Variants in RFX3 observed in about 807,000 individuals in gnomAD.
RFX3 encodes the protein regulatory factor X3.
RFX3 carries 14 observed loss-of-function variants against 98.6 expected under a neutral mutation model. That is an observed-to-expected ratio of 0.14 (90% CI 0.09 to 0.22). The LOEUF (loss-of-function observed/expected upper bound fraction) is 0.22, where lower values mean the gene tolerates loss of function less well. Among genes scored for constraint, RFX3 ranks in the 10% least tolerant of loss-of-function variants. The pLI is 1.00. For missense variants in RFX3, 639 were observed against 926.9 expected, an observed-to-expected ratio of 0.69 and a Z score of 4.03; for synonymous variants, 383 against 328.4, an observed-to-expected ratio of 1.17 and a Z score of -1.80.
intron 1 of RFX3, among the ~76,000 whole-genome samples, chr9:3,481,460 G>A (rs1032260450): frequency 2.6e-5 from 4 of 151,252 alleles, no homozygotes; most frequent in Non-Finnish European, 4.4e-5. Flanking sequence ...CAAGAAAATA[G>A]TTTCCCATCT....
chr9:3,452,277 C>A, intron 1 of RFX3: 1 of 209,060 alleles, frequency 4.8e-6, no homozygotes. Flanking sequence ...AGAATTGATG[C>A]TCAAATGTCA....
chr9:3,288,066 A>G lies in RFX3; in HGVS notation c.851+65T>C. 5 of 1,511,886 alleles carry G rather than the reference A, an allele frequency of 3.3e-6. No homozygotes were observed. In the South Asian group the frequency reaches 6.2e-5, roughly 19 times the overall value. 93.7% of individuals were successfully genotyped at this position (1,511,886 alleles called of 1,614,324 possible). A position where few individuals can be genotyped will look rare whatever the true frequency, so the allele number is the denominator to read the frequency against. On this transcript the variant is annotated intron_variant, in intron 7 of 16. Coordinates refer to ENST00000617270, the MANE Select transcript of RFX3 (RefSeq NM_001282116.2). ...TTATACTTAGGTATTTGTTCAGAAAAAAGGAGACCCGAACAACTAAGAAAT... is the reference window on the plus strand; with the variant it reads ...TTATACTTAGGTATTTGTTCAGAAAGAAGGAGACCCGAACAACTAAGAAAT...
chr9:3,264,619 G>A (rs1823375163), intron 12 of RFX3, among the ~76,000 whole-genome samples: 1 of 152,162 alleles, frequency 6.6e-6, no homozygotes, highest in African/African-American at 2.4e-5. Flanking sequence ...CACATATTAT[G>A]ATTTAAAGAA....
intron 4 of RFX3, among the ~76,000 whole-genome samples, chr9:3,327,384 C>T (rs143421014): frequency 3.7e-4 from 56 of 152,178 alleles, no homozygotes; most frequent in African/African-American, 1.3e-3. Flanking sequence ...CACTGTGAGT[C>T]AAGCAGATCT....
chr9:3,464,473 C>T (rs1848012576), intron 1 of RFX3, among the ~76,000 whole-genome samples: 1 of 152,138 alleles, frequency 6.6e-6, no homozygotes, highest in African/African-American at 2.4e-5. Context: ...GAACAAACTG[C>T]TGATACATAT....
At position 3,505,308 on chromosome 9, in the gene RFX3, AT is replaced by A. The variant is rs1427189891; in HGVS notation, c.-9+20438del. ...CATTTTTATATTTATATATATATAA[AT>A]ATATATTAATGTATATTTATATTTT... On this transcript the variant is annotated intron_variant, in intron 1 of 16. Transcript: ENST00000617270. 1.4e-3 allele frequency among the ~76,000 whole-genome samples: 141 copies of A among 100,998 alleles called. 26 individuals are homozygous for A. The highest frequency in any genetic ancestry group is 4.6e-3 in the African/African-American group (110 of 23,724). The allele number at this position is 100,998 out of a possible 152,430, so 66.3% of individuals were successfully genotyped here.
At chr9:3,381,314 T>C (rs1268732686) in intron 2 of RFX3, among the ~76,000 whole-genome samples, 3 of 152,078 alleles carry the variant, frequency 2.0e-5, no homozygotes, top group Non-Finnish European at 4.4e-5. Flanking sequence ...ATCGATGATC[T>C]TATCAGTCCC....
intron 1 of RFX3, among the ~76,000 whole-genome samples, chr9:3,481,142 C>T (rs909364869): frequency 6.6e-6 from 1 of 152,090 alleles, no homozygotes; most frequent in Non-Finnish European, 1.5e-5. Context: ...TAACTCAATA[C>T]GGTAGGTATT....
chr9:3,455,138 T>A lies in RFX3; in HGVS notation c.-8-59542A>T, dbSNP rs533691334. Among the ~76,000 whole-genome samples, 55 of 152,352 alleles carry A rather than the reference T, an allele frequency of 3.6e-4. 1 individual carries two copies. The highest frequency in any genetic ancestry group is 1.3e-3 in the African/African-American group (53 of 41,578). Reference sequence around the variant, plus strand: ...CAAATTTAAATCAGGTACTCTTCTATGTAAGACCAGCAAATGTTTTTCACT... The same window carrying A: ...CAAATTTAAATCAGGTACTCTTCTAAGTAAGACCAGCAAATGTTTTTCACT... On this transcript the variant is annotated intron_variant, in intron 1 of 16. Coordinates refer to ENST00000617270, the MANE Select transcript of RFX3 (RefSeq NM_001282116.2).
At chr9:3,425,642 T>C (rs941513879) in intron 1 of RFX3, among the ~76,000 whole-genome samples, 8 of 152,214 alleles carry the variant, frequency 5.3e-5, no homozygotes, top group African/African-American at 1.9e-4. Context: ...TTCATACTGC[T>C]TGGGGTTTAC....
chr9:3,463,135 G>A (rs1443607375), intron 1 of RFX3, among the ~76,000 whole-genome samples: 3 of 152,088 alleles, frequency 2.0e-5, no homozygotes, highest in Non-Finnish European at 4.4e-5. Context: ...TTACTTAACT[G>A]TAAGACTTTG....
intron 4 of RFX3, among the ~76,000 whole-genome samples, chr9:3,313,020 T>C (rs1830146355): frequency 6.6e-6 from 1 of 152,166 alleles, no homozygotes; most frequent in South Asian, 2.1e-4. Context: ...AGAGTAGTGG[T>C]TCTCCCAGCA....
In RFX3 at chr9:3,497,732, T is replaced by A. The variant is rs1462622077; in HGVS notation, c.-9+28015A>T. ...TGTTACAAAAAAATTGCTTACACTATACCATTTACTTGTTCTATGCCATAA... is the reference window on the plus strand; with the variant it reads ...TGTTACAAAAAAATTGCTTACACTAAACCATTTACTTGTTCTATGCCATAA... On this transcript the variant is annotated intron_variant, in intron 1 of 16. Transcript: ENST00000617270. Among the ~76,000 whole-genome samples, 2 of 152,130 alleles carry A rather than the reference T, an allele frequency of 1.3e-5. 1 individual carries two copies. The highest frequency in any genetic ancestry group is 4.1e-4 in the South Asian group (2 of 4,834).
At chr9:3,311,557 C>G (rs1028817862) in intron 4 of RFX3, among the ~76,000 whole-genome samples, 2 of 152,110 alleles carry the variant, frequency 1.3e-5, no homozygotes, top group African/African-American at 4.8e-5. Flanking sequence ...GGTCCTGAAC[C>G]AGCAGTATCA....
At chr9:3,338,038 T>C (rs1833395754) in intron 3 of RFX3, among the ~76,000 whole-genome samples, 2 of 152,128 alleles carry the variant, frequency 1.3e-5, no homozygotes, top group Admixed American at 1.3e-4. Flanking sequence ...CGAATATTCA[T>C]CAGACTGAAG....
At chr9:3,519,934 C>CA (rs554350157) in intron 1 of RFX3, among the ~76,000 whole-genome samples, 1,787 of 115,730 alleles carry the variant, frequency 0.015, 12 homozygotes, top group Middle Eastern at 0.026. Context: ...CCTGTCTCTA[C>CA]AAAAAAAAAA....
chr9:3,247,605 C>T (rs1820847195), intron 15 of RFX3: 9 of 1,290,736 alleles, frequency 7.0e-6, no homozygotes, highest in Non-Finnish European at 8.9e-6. Context: ...CATTTTTATC[C>T]TTCTAAAATA....
At chr9:3,504,671 C>CTATATGGTATATATTGT (rs1564184588) in intron 1 of RFX3, among the ~76,000 whole-genome samples, 315 of 6,750 alleles carry the variant, frequency 0.047, 2 homozygotes, top group Non-Finnish European at 0.056. Flanking sequence ...GTATATATTG[C>CTATATGGTATATATTGT]ATATAAAATA....
chr9:3,516,915 G>A (rs576693304), intron 1 of RFX3, among the ~76,000 whole-genome samples: 246 of 152,354 alleles, frequency 1.6e-3, no homozygotes, highest in Middle Eastern at 0.014. Context: ...TAATTCCTAT[G>A]TGGGTGAGAA....
Sources: gnomAD v4.1 joint callset for allele counts (sites outside exome capture counted in the v4.1 genomes callset) on GRCh38, gnomAD v4.1.1 for gene constraint, MANE v1.5 for transcripts, NCBI Gene and HGNC (gene_info 2026-07-23, HGNC 2026-07-21) for gene names.